CCDC180: variants seen among roughly 807,000 people sequenced by gnomAD.
The protein encoded by CCDC180 is coiled-coil domain containing 180.
Under a neutral mutation model 209.2 loss-of-function variants are expected in CCDC180, and 154 were observed. That is an observed-to-expected ratio of 0.74 (90% CI 0.65 to 0.84). CCDC180 has a LOEUF of 0.84. CCDC180 is among the 40% of genes least tolerant of loss of function. The probability of loss-of-function intolerance (pLI) is 0.00; values close to 1 mark genes in which losing one functional copy is unlikely to be tolerated. For synonymous variants in CCDC180, 778 were observed against 749.1 expected, an observed-to-expected ratio of 1.04 and a Z score of -0.63; for missense variants, 1,874 against 1,997.3, an observed-to-expected ratio of 0.94 and a Z score of 1.18.
At chr9:97,347,988 G>A (rs1259936270) in intron 20 of CCDC180, among the ~76,000 whole-genome samples, 2 of 152,154 alleles carry the variant, frequency 1.3e-5, no homozygotes, top group Admixed American at 1.3e-4. Context: ...AAATGGTATA[G>A]TAAGGAATCA....
Position 97,363,753 on chromosome 9 carries a change from A to G in CCDC180, c.3903-298A>G, listed in dbSNP as rs1029707415. The G allele has an allele frequency of 9.4e-6, 5 of 530,286 alleles. No homozygotes were observed. In the African/African-American group the frequency reaches 9.5e-5, roughly 10 times the overall value. 32.8% of individuals were successfully genotyped at this position (530,286 alleles called of 1,614,324 possible). A position where few individuals can be genotyped will look rare whatever the true frequency, so the allele number is the denominator to read the frequency against. ...AATGTTTTTTTTTCTTTGGGTCCTC[A>G]TCACGGGGAAGCAGGAATGCAAATT... On this transcript the variant is annotated intron_variant, in intron 28 of 36. Transcript: ENST00000529487.
Position 97,376,825 on chromosome 9 carries a change from A to G in CCDC180, c.4905A>G (p.Ile1635Met), listed in dbSNP as rs2118050500. ...KRIQDDCTSQ[I>M]KEAQRWKDSW... ...TCCAGGATGACTGTACATCTCAGATAAAGGAGGCTCAGCGCTGGAAGGACA... is the reference window on the plus strand; with the variant it reads ...TCCAGGATGACTGTACATCTCAGATGAAGGAGGCTCAGCGCTGGAAGGACA... The change falls in exon 37 of 37, where the codon ATA (isoleucine) becomes ATG (methionine). Residue 1635 changes from isoleucine to methionine, a missense_variant. Physicochemically the swap from Ile to Met is conservative, Grantham distance 10 (BLOSUM62 1). Coordinates refer to ENST00000529487, the MANE Select transcript of CCDC180 (RefSeq NM_020893.6). 1.2e-6 allele frequency: 2 copies of G among 1,613,538 alleles called. No individual in the cohort carries two copies. Among genetic ancestry groups the G allele is most frequent in the Non-Finnish European group, 1.7e-6 (2 of 1,179,966 alleles).
chr9:97,309,992 T>G (rs1303503888), intron 3 of CCDC180, among the ~76,000 whole-genome samples: 4 of 152,194 alleles, frequency 2.6e-5, no homozygotes. Context: ...GGGTGCAGTA[T>G]GGGGACAAGG....
chr9:97,326,253 T>C (rs1216634802), intron 14 of CCDC180, among the ~76,000 whole-genome samples: 1 of 151,920 alleles, frequency 6.6e-6, no homozygotes, highest in East Asian at 1.9e-4. Flanking sequence ...GCAGGTGTAG[T>C]GCAGGCCTGA....
In CCDC180 at chr9:97,308,256, A is replaced by G. The variant is rs1470531693; in HGVS notation, c.69+124A>G. 3.6e-6 allele frequency: 3 copies of G among 827,986 alleles called. No homozygotes were observed. In the African/African-American group the frequency reaches 5.2e-5, roughly 14 times the overall value. 51.3% of individuals were successfully genotyped at this position (827,986 alleles called of 1,614,324 possible). A position where few individuals can be genotyped will look rare whatever the true frequency, so the allele number is the denominator to read the frequency against. On this transcript the variant is annotated intron_variant, in intron 2 of 36. Transcript: ENST00000529487. ...AAACAAGGGCTTTGAAATTACTTTG[A>G]TTTTAAAAATAATTCTTGCTTGTTC...
chr9:97,343,059 G>A (rs2061635), intron 18 of CCDC180, among the ~76,000 whole-genome samples: 1 of 152,126 alleles, frequency 6.6e-6, no homozygotes, highest in Non-Finnish European at 1.5e-5. Flanking sequence ...GAAGACTGGT[G>A]CAGGCATTAC....
intron 14 of CCDC180, 52 bp from the exon 15 acceptor site, chr9:97,326,500 CTG>C: frequency 1.9e-6 from 2 of 1,065,514 alleles, no homozygotes; most frequent in East Asian, 4.7e-5. Flanking sequence ...CACTTACACT[CTG>C]TGAGCACTGG....
intron 12 of CCDC180, among the ~76,000 whole-genome samples, chr9:97,323,556 G>A (rs908732130): frequency 6.6e-5 from 10 of 152,210 alleles, no homozygotes; most frequent in East Asian, 1.9e-4. Flanking sequence ...AAGCATGTTC[G>A]GCTGAGAGCA....
Position 97,366,430 on chromosome 9 carries a change from T to A in CCDC180, c.4048-129T>A. 1.1e-6 allele frequency: 1 copy of A among 921,026 alleles called. No individual in the cohort carries two copies. Among genetic ancestry groups the A allele is most frequent in the Non-Finnish European group, 1.6e-6 (1 of 615,236 alleles). The allele number at this position is 921,026 out of a possible 1,614,324, so 57.1% of individuals were successfully genotyped here. ...AGGGAAGGAGGAGTGTCTGCTCGTG[T>A]CACTTCCACAGGGGATGCCACGAGC... On this transcript the variant is annotated intron_variant, in intron 30 of 36. Transcript: ENST00000529487. This position sits in a 1 kb window ranked among gnomAD's most constrained non-coding sequence, Gnocchi z 4.3.
At chr9:97,346,722 A>T (rs1299815959) in intron 19 of CCDC180, among the ~76,000 whole-genome samples, 1 of 152,162 alleles carries the variant, frequency 6.6e-6, no homozygotes, top group Non-Finnish European at 1.5e-5. Context: ...CCATAGGCGC[A>T]TGTCACCATG....
chr9:97,343,284 C>T, intron 18 of CCDC180, 56 bp from the exon 19 acceptor site: 3 of 1,180,508 alleles, frequency 2.5e-6, no homozygotes, highest in South Asian at 2.7e-5. Context: ...CTGTGGTTGG[C>T]ATTCCCAAGT....
At position 97,350,414 on chromosome 9, in the gene CCDC180, T is replaced by C; in HGVS notation, c.2861T>C (p.Val954Ala). The stretch of plus-strand genomic sequence containing the variant: ...TCCTCCTCTGTCTCCCACAGGCTGG[T>C]CACTCTCAGCAACACACTGCACCAG... ...FLNATRSQKL[V>A]TLSNTLHQEL... is the part of the protein sequence containing the mutation. The change falls in exon 22 of 37, where the codon GTC (valine) becomes GCC (alanine). Residue 954 changes from valine (V) to alanine (A), a missense_variant. Physicochemically the swap from Val to Ala is moderately conservative, Grantham distance 64 (BLOSUM62 0). Coordinates refer to ENST00000529487, the MANE Select transcript of CCDC180 (RefSeq NM_020893.6). 3 of 1,535,386 alleles carry C rather than the reference T, an allele frequency of 2.0e-6. No individual in the cohort carries two copies. The highest frequency in any genetic ancestry group is 2.6e-6 in the Non-Finnish European group (3 of 1,146,942).
chr9:97,374,705 G>A (rs1480337412), intron 35 of CCDC180, 57 bp downstream of exon 35: 3 of 1,393,282 alleles, frequency 2.2e-6, no homozygotes, highest in African/African-American at 2.8e-5. Flanking sequence ...TGGGGGTGGT[G>A]CAGTGTAATG....
rs1423327923 is a variant in CCDC180, at chr9:97,309,570, A to C, written c.226A>C (p.Asn76His). ...RQQKWMHSLP[N>H]DWIMENPVLH... is the part of the protein sequence containing the mutation. ...GCAGAAGTGGATGCACAGCCTCCCCAACGACTGGATCATGGAAAACCCTGT... is the reference window on the plus strand; with the variant it reads ...GCAGAAGTGGATGCACAGCCTCCCCCACGACTGGATCATGGAAAACCCTGT... The change falls in exon 3 of 37, where the codon AAC (asparagine) becomes CAC (histidine). Residue 76 changes from asparagine (N) to histidine (H), a missense_variant. Transcript: ENST00000529487. The C allele has an allele frequency of 6.3e-7, 1 of 1,590,786 alleles. No individual in the cohort carries two copies. The highest frequency in any genetic ancestry group is 8.5e-7 in the Non-Finnish European group (1 of 1,170,076).
At chr9:97,313,446 C>G (rs1833057689) in intron 5 of CCDC180, 101 bp downstream of exon 5, 1 of 753,930 alleles carries the variant, frequency 1.3e-6, no homozygotes, top group Admixed American at 2.2e-5. Flanking sequence ...CAGAGAGGTC[C>G]TCAGGGGCTC....
intron 34 of CCDC180, chr9:97,372,830 A>G (rs1173055898): frequency 6.6e-6 from 1 of 152,178 alleles, no homozygotes; most frequent in African/African-American, 2.4e-5. Flanking sequence ...GTGAGCTTTG[A>G]TCATACCACT....
chr9:97,357,787 G>T, intron 25 of CCDC180, 62 bp downstream of exon 25: 5 of 1,355,414 alleles, frequency 3.7e-6, no homozygotes, highest in Non-Finnish European at 4.1e-6. Context: ...AGTCATAAAT[G>T]TGAAATAAAT....
chr9:97,321,866 A>G (rs1246690846), intron 11 of CCDC180, among the ~76,000 whole-genome samples: 2 of 152,180 alleles, frequency 1.3e-5, no homozygotes, highest in African/African-American at 2.4e-5. Flanking sequence ...CCAAGCAGGG[A>G]TACAGTGTAC....
At chr9:97,307,454 C>T (rs552515444), upstream of CCDC180, 6 of 591,882 alleles carry the variant, frequency 1.0e-5, no homozygotes, top group South Asian at 1.0e-4. Flanking sequence ...CGGCCAGGGG[C>T]TGCTCAGTCT....
Sources: allele counts gnomAD v4.1 joint callset (sites outside exome capture counted in the v4.1 genomes callset), GRCh38; gene constraint gnomAD v4.1.1; non-coding constraint Gnocchi (gnomAD v3.1); transcripts MANE v1.5; gene names NCBI Gene and HGNC (gene_info 2026-07-23, HGNC 2026-07-21).